Variants in TPTE observed in about 807,000 individuals in gnomAD.
The protein encoded by TPTE is transmembrane phosphatase with tensin homology.
TPTE carries 59 observed loss-of-function variants against 84.1 expected under a neutral mutation model. The ratio of observed to expected loss-of-function variants is 0.70; its 90% CI spans 0.57 to 0.87. The LOEUF (loss-of-function observed/expected upper bound fraction) is 0.87, where lower values mean the gene tolerates loss of function less well. TPTE is among the 40% of genes least tolerant of loss of function. The probability of loss-of-function intolerance (pLI) is 0.00; values close to 1 mark genes in which losing one functional copy is unlikely to be tolerated. For missense variants in TPTE, 382 were observed against 659.6 expected (o/e 0.58, Z 4.61); for synonymous variants, 130 against 223.5 (o/e 0.58, Z 3.73).
chr21:10,576,275 AAGAG>A (rs1168692332), intron 14 of TPTE: 3 of 205,990 alleles, frequency 1.5e-5, no homozygotes, highest in African/African-American at 7.0e-5. Flanking sequence ...CCAGTGATGA[AAGAG>A]AGAATTAAAT....
chr21:10,529,865 A>T (rs1350459663), intron 3 of TPTE, among the ~76,000 whole-genome samples: 1 of 152,308 alleles, frequency 6.6e-6, no homozygotes, highest in Admixed American at 6.5e-5. Context: ...TTTAGCATTC[A>T]TTGATTTTTA....
chr21:10,581,027 A>C (rs532852008), intron 17 of TPTE, among the ~76,000 whole-genome samples: 96 of 152,238 alleles, frequency 6.3e-4, no homozygotes, highest in African/African-American at 2.3e-3. Flanking sequence ...ATCAAATTCC[A>C]GGAAAACATA....
chr21:10,529,474 C>A (rs370436073), intron 3 of TPTE, among the ~76,000 whole-genome samples: 1 of 152,426 alleles, frequency 6.6e-6, no homozygotes, highest in South Asian at 2.1e-4. Context: ...AATGTCTGTT[C>A]ACTCTAAAAT....
intron 19 of TPTE, among the ~76,000 whole-genome samples, chr21:10,592,950 A>G (rs1270382521): frequency 2.0e-5 from 3 of 152,306 alleles, no homozygotes; most frequent in South Asian, 2.1e-4. Context: ...ATCTCATTTA[A>G]TACCCATAAC....
intron 6 of TPTE, 46 bp from the exon 7 acceptor site, chr21:10,543,283 C>T (rs578167257): frequency 3.1e-5 from 43 of 1,370,872 alleles, no homozygotes; most frequent in Middle Eastern, 2.0e-4. Flanking sequence ...CCACCCGCCT[C>T]GGCCTCCCAA....
intron 10 of TPTE, among the ~76,000 whole-genome samples, chr21:10,567,399 T>G (rs1423684000): frequency 2.0e-5 from 3 of 150,406 alleles, no homozygotes; most frequent in African/African-American, 7.3e-5. Context: ...AGGGTGATTA[T>G]TACGCATTTA....
intron 3 of TPTE, among the ~76,000 whole-genome samples, chr21:10,533,448 T>C (rs1203040178): frequency 6.6e-6 from 1 of 152,310 alleles, no homozygotes; most frequent in Non-Finnish European, 1.5e-5. Flanking sequence ...CAGCTTGTTG[T>C]ATTTCTTTTT....
chr21:10,575,518 G>C (rs1234555610), intron 14 of TPTE, among the ~76,000 whole-genome samples: 1 of 152,312 alleles, frequency 6.6e-6, no homozygotes, highest in Non-Finnish European at 1.5e-5. Flanking sequence ...AAAGCAGCCA[G>C]ACTGCTTTTT....
intron 20 of TPTE, among the ~76,000 whole-genome samples, chr21:10,596,492 G>A (rs868860182): frequency 4.1e-3 from 618 of 152,004 alleles, no homozygotes; most frequent in African/African-American, 0.014. Context: ...AGGTGTCTCC[G>A]TATCGTATCA....
At chr21:10,532,388 C>G (rs529549957) in intron 3 of TPTE, among the ~76,000 whole-genome samples, 1 of 152,414 alleles carries the variant, frequency 6.6e-6, no homozygotes, top group East Asian at 1.9e-4. Context: ...GATATTCACT[C>G]TGTTTGTTCT....
intron 17 of TPTE, among the ~76,000 whole-genome samples, chr21:10,582,136 A>T (rs1296938994): frequency 6.6e-6 from 1 of 152,312 alleles, no homozygotes; most frequent in Non-Finnish European, 1.5e-5. Context: ...CCCTATACTG[A>T]TGTAGTAAAG....
intron 3 of TPTE, among the ~76,000 whole-genome samples, chr21:10,530,546 T>C (rs2074159667): frequency 6.6e-6 from 1 of 152,308 alleles, no homozygotes; most frequent in African/African-American, 2.4e-5. Context: ...TATGAAAAAT[T>C]GCACAGCATG....
intron 3 of TPTE, among the ~76,000 whole-genome samples, chr21:10,534,848 A>T (rs1236680294): frequency 6.6e-6 from 1 of 152,306 alleles, no homozygotes; most frequent in African/African-American, 2.4e-5. Flanking sequence ...AGCTGAGTTG[A>T]CTAGTAGCTA....
intron 21 of TPTE, among the ~76,000 whole-genome samples, chr21:10,600,427 C>T (rs2075667479): frequency 1.3e-5 from 2 of 152,308 alleles, no homozygotes; most frequent in African/African-American, 4.8e-5. Context: ...GCTTGAGCCA[C>T]TGTGCCTGGC....
At chr21:10,527,248 C>T (rs1417076902) in intron 2 of TPTE, 107 bp from the exon 3 acceptor site, 8 of 152,752 alleles carry the variant, frequency 5.2e-5, no homozygotes, top group African/African-American at 1.7e-4. Context: ...GTCAAAATTC[C>T]TCCGATTTTA....
intron 14 of TPTE, among the ~76,000 whole-genome samples, chr21:10,570,858 T>C (rs1457409137): frequency 1.3e-5 from 2 of 152,304 alleles, no homozygotes. Context: ...CTCATTCATG[T>C]ATCTGTGGGC....
chr21:10,587,469 AT>A (rs2075386936), intron 17 of TPTE, among the ~76,000 whole-genome samples: 1 of 152,222 alleles, frequency 6.6e-6, no homozygotes, highest in Admixed American at 6.5e-5. Context: ...AACATATGGT[AT>A]TTGGTTTTTT....
chr21:10,596,611 G>A (rs1484665061), intron 20 of TPTE, among the ~76,000 whole-genome samples: 1 of 152,312 alleles, frequency 6.6e-6, no homozygotes, highest in African/African-American at 2.4e-5. Flanking sequence ...ACTCAGGGGA[G>A]GTGGGAAAGC....
intron 17 of TPTE, among the ~76,000 whole-genome samples, chr21:10,580,161 G>A (rs1202049935): frequency 6.6e-6 from 1 of 152,312 alleles, no homozygotes; most frequent in Non-Finnish European, 1.5e-5. Flanking sequence ...CTTCTGTTGA[G>A]AAATATCTTT....
Sources: allele counts gnomAD v4.1 joint callset (sites outside exome capture counted in the v4.1 genomes callset), GRCh38; gene constraint gnomAD v4.1.1; transcripts MANE v1.5; gene names NCBI Gene and HGNC (gene_info 2026-07-23, HGNC 2026-07-21).